Variants in TRIOBP observed in about 807,000 individuals in gnomAD.
TRIOBP encodes the protein TRIO and F-actin-binding protein.
In TRIOBP, 169 loss-of-function variants were observed where a neutral mutation model predicts 238.8. That is an observed-to-expected ratio of 0.71 (90% confidence interval 0.62 to 0.80). The LOEUF (loss-of-function observed/expected upper bound fraction) is 0.80. TRIOBP is among the 30% of genes least tolerant of loss of function. The probability of loss-of-function intolerance (pLI) is 0.00; values close to 1 mark genes in which losing one functional copy is unlikely to be tolerated. For synonymous variants in TRIOBP, 1,150 were observed against 1,274.4 expected (o/e 0.90, Z 2.08); for missense variants, 2,838 against 3,122.6 (o/e 0.91, Z 2.17).
At chr22:37,764,099 C>T (rs1298945414) in intron 17 of TRIOBP, among the ~76,000 whole-genome samples, 1 of 152,254 alleles carries the variant, frequency 6.6e-6, no homozygotes. Flanking sequence ...CTTGTGATTA[C>T]ACTGGGCTTG....
Position 37,739,456 on chromosome 22 carries a change from G to A in TRIOBP, c.5184+737G>A, listed in dbSNP as rs183214986. On this transcript the variant is annotated intron_variant, in intron 10 of 23. Transcript: ENST00000644935. The stretch of plus-strand genomic sequence containing the variant: ...CATAGCGCCCCCCAAGTAGGGCCCT[G>A]CCGTGAGTCAAAGCTGGGGGAATTC... Among the ~76,000 whole-genome samples, 3 of 152,242 alleles carry A rather than the reference G, an allele frequency of 2.0e-5. No homozygotes were observed. In the East Asian group the frequency reaches 5.8e-4, roughly 29 times the overall value.
intron 21 of TRIOBP, among the ~76,000 whole-genome samples, chr22:37,770,247 C>T (rs1342941834): frequency 3.4e-5 from 5 of 149,008 alleles, no homozygotes; most frequent in African/African-American, 1.2e-4. Context: ...ACCATCCTGG[C>T]TAACACAGTG....
chr22:37,721,463 CTG>C (rs906501379), intron 6 of TRIOBP, among the ~76,000 whole-genome samples: 49 of 152,162 alleles, frequency 3.2e-4, no homozygotes, highest in African/African-American at 1.1e-3. Context: ...ATGAAGGCAA[CTG>C]TGGCTACTTT....
chr22:37,762,325 C>T (rs1177762902), intron 17 of TRIOBP, among the ~76,000 whole-genome samples: 2 of 152,202 alleles, frequency 1.3e-5, no homozygotes, highest in Non-Finnish European at 2.9e-5. Context: ...GTTGGCCTCC[C>T]AAAGTGCTGG....
At position 37,757,854 on chromosome 22, in the gene TRIOBP, C is replaced by T. The variant is rs367584370; in HGVS notation, c.5929C>T (p.Arg1977Trp). Residue 1977 changes from arginine (R) to tryptophan (W), a missense_variant, in exon 16 of 24, where the codon CGG (arginine) becomes TGG (tryptophan). By Grantham distance (101) the Arg-to-Trp change is moderately radical. This residue lies in a region of TRIOBP where 2,096 missense variants were observed against 2,137.4 expected (regional missense o/e 0.98). Coordinates refer to ENST00000644935, the MANE Select transcript of TRIOBP (RefSeq NM_001039141.3). Reference sequence around the variant, plus strand: ...CCTGGCCAAGCAGGAGGAGCTGGAGCGGGACCTGGCCCAGCGCTCCGAGGA... The same window carrying T: ...CCTGGCCAAGCAGGAGGAGCTGGAGTGGGACCTGGCCCAGCGCTCCGAGGA... The part of the protein sequence containing the change: ...DRLAKQEELE[R>W]DLAQRSEERR... The T allele has an allele frequency of 6.2e-5, 96 of 1,551,768 alleles. No homozygotes were observed. The highest frequency in any genetic ancestry group is 7.5e-5 in the Non-Finnish European group (86 of 1,147,792).
At chr22:37,755,435 A>C (rs1925865862) in intron 14 of TRIOBP, 115 bp from the exon 15 acceptor site, 2 of 1,035,292 alleles carry the variant, frequency 1.9e-6, no homozygotes, top group Admixed American at 3.9e-5. Flanking sequence ...CCCACCCCAG[A>C]CTCAAGACCT....
At chr22:37,760,827 G>T (rs899864533) in intron 17 of TRIOBP, among the ~76,000 whole-genome samples, 11 of 152,086 alleles carry the variant, frequency 7.2e-5, no homozygotes, top group Non-Finnish European at 1.5e-4. Context: ...ACAAAAAATA[G>T]CCGGGCGTGG....
rs1447650813 is a variant in TRIOBP, at chr22:37,757,841, G to C, written c.5916G>C (p.Gln1972His). Residue 1972 changes from glutamine to histidine, a missense_variant, in exon 16 of 24, where the codon CAG (glutamine) becomes CAC (histidine). Transcript: ENST00000644935. ...PARTPDRLAK[Q>H]EELERDLAQR... is the part of the protein sequence containing the mutation. ...GCACTCCTGACCGCCTGGCCAAGCAGGAGGAGCTGGAGCGGGACCTGGCCC... is the reference window on the plus strand; with the variant it reads ...GCACTCCTGACCGCCTGGCCAAGCACGAGGAGCTGGAGCGGGACCTGGCCC... 1 of 1,550,898 alleles carries C rather than the reference G, an allele frequency of 6.4e-7. No individual in the cohort carries two copies. Among genetic ancestry groups the C allele is most frequent in the Non-Finnish European group, 8.7e-7 (1 of 1,147,086 alleles).
chr22:37,733,312 C>T lies in TRIOBP; in HGVS notation c.3962C>T (p.Ala1321Val), dbSNP rs1415329654. Reference sequence around the variant, plus strand: ...TTTGCTCATAGGAAGTCCGAGGCAGCGGGGGCCTTCCAGGCCCAGGACGAG... The same window carrying T: ...TTTGCTCATAGGAAGTCCGAGGCAGTGGGGGCCTTCCAGGCCCAGGACGAG... Reference protein sequence around the residue: ...FGQERRKSEAAGAFQAQDEGR... With the variant: ...FGQERRKSEAVGAFQAQDEGR... The change falls in exon 8 of 24, where the codon GCG becomes GTG. Residue 1321 changes from alanine to valine, a missense_variant. Coordinates refer to ENST00000644935, the MANE Select transcript of TRIOBP (RefSeq NM_001039141.3). The T allele has an allele frequency of 1.9e-5, 29 of 1,550,606 alleles. No individual in the cohort carries two copies. The highest frequency in any genetic ancestry group is 2.7e-5 in the African/African-American group (2 of 73,046).
At chr22:37,710,815 C>T (rs1370230976) in intron 4 of TRIOBP, among the ~76,000 whole-genome samples, 1 of 152,220 alleles carries the variant, frequency 6.6e-6, no homozygotes, top group African/African-American at 2.4e-5. Flanking sequence ...CTGGCTGTCT[C>T]TCCCAGGGGC....
At position 37,701,428 on chromosome 22, in the gene TRIOBP, C is replaced by T; in HGVS notation, c.63C>T (p.Asn21=). ...TTGAGGCCAACATACTTACCCAGAA[C>T]CGCTGTCAAAACTGCTTCCACCCTG... ...EHFEANILTQ[N]RCQNCFHPEE... is the part of the protein sequence containing the mutation. Residue 21 remains asparagine (N), a synonymous_variant, in exon 3 of 24, where the codon AAC becomes AAT. Transcript: ENST00000644935. The T allele has an allele frequency of 1.2e-6, 2 of 1,613,900 alleles. No individual in the cohort carries two copies. The highest frequency in any genetic ancestry group is 1.7e-6 in the Non-Finnish European group (2 of 1,179,962).
intron 9 of TRIOBP, among the ~76,000 whole-genome samples, chr22:37,736,409 T>C (rs2145844029): frequency 6.6e-6 from 1 of 152,266 alleles, no homozygotes; most frequent in Admixed American, 6.5e-5. Flanking sequence ...CAACGCCACC[T>C]GCCCCAGGAT....
chr22:37,756,492 A>G (rs1401253518), intron 15 of TRIOBP, among the ~76,000 whole-genome samples: 1 of 152,210 alleles, frequency 6.6e-6, no homozygotes, highest in African/African-American at 2.4e-5. Context: ...ATGTGCCAGG[A>G]TGTGCCCAGA....
chr22:37,759,331 A>T (rs1372571745), intron 17 of TRIOBP, 67 bp downstream of exon 17: 1 of 1,525,078 alleles, frequency 6.6e-7, no homozygotes, highest in East Asian at 2.3e-5. Flanking sequence ...ATCAGGAAAC[A>T]GCTGAGATTT....
chr22:37,754,216 C>G (rs948245096), intron 12 of TRIOBP, among the ~76,000 whole-genome samples: 1 of 152,054 alleles, frequency 6.6e-6, no homozygotes, highest in Non-Finnish European at 1.5e-5. Context: ...TTGAGACCAG[C>G]CTGGCTGACA....
rs938429426 is a variant in TRIOBP, at chr22:37,735,031, T to C, written c.4695T>C (p.Leu1565=). The C allele has an allele frequency of 1.9e-6, 3 of 1,608,752 alleles. No homozygotes were observed. Among genetic ancestry groups the C allele is most frequent in the African/African-American group, 1.3e-5 (1 of 74,756 alleles). Residue 1565 remains leucine, a synonymous_variant, in exon 9 of 24, where the codon CTT becomes CTC. Coordinates refer to ENST00000644935, the MANE Select transcript of TRIOBP (RefSeq NM_001039141.3). ...TTGACTGGAGGGATCTGCTTGGCCTTCTCCGGGCACCAGGAGAGGGGGTCT... is the reference window on the plus strand; with the variant it reads ...TTGACTGGAGGGATCTGCTTGGCCTCCTCCGGGCACCAGGAGAGGGGGTCT... The part of the protein sequence containing the change: ...PELDWRDLLG[L]LRAPGEGVWA...
At chr22:37,738,553 C>G (rs1191169753) in intron 9 of TRIOBP, 89 bp from the exon 10 acceptor site, 2 of 1,279,300 alleles carry the variant, frequency 1.6e-6, no homozygotes, top group East Asian at 2.5e-5. Context: ...GTTGCATGGA[C>G]AGATGATAGA....
chr22:37,724,489 C>T lies in TRIOBP; in HGVS notation c.1933C>T (p.Gln645Ter), dbSNP rs377748152. Residue 645 changes from glutamine to a stop codon, truncating the protein, a stop_gained, in exon 7 of 24, where the codon CAA (glutamine) becomes TAA (stop). Transcript: ENST00000644935. LOFTEE classifies it high-confidence loss of function. ...RASSPNRTTQ[Q>*]DSPRTSCARR... is the part of the protein sequence containing the mutation. ...CTCCTCTCCCAACAGAACCACCCAA[C>T]AAGACAGCCCCAGAACATCCTGTGC... 79 of 1,611,278 alleles carry T rather than the reference C, an allele frequency of 4.9e-5. No individual in the cohort carries two copies. The highest frequency in any genetic ancestry group is 6.1e-5 in the Non-Finnish European group (72 of 1,178,740).
In TRIOBP at chr22:37,700,187, C is replaced by T. The variant is rs574324476; in HGVS notation, c.-60-1119C>T. Among the ~76,000 whole-genome samples the T allele has an allele frequency of 7.5e-4, 114 of 151,878 alleles. 2 individuals carry two copies. Among genetic ancestry groups the T allele is most frequent in the African/African-American group, 2.6e-3 (109 of 41,434 alleles). ...CCACCGCCCTCGGCTGGAATCACTT[C>T]TTTAACATGCACAGCCCCAGACCTC... On this transcript the variant is annotated intron_variant, in intron 2 of 23. Transcript: ENST00000644935.
Sources: gnomAD v4.1 joint callset for allele counts (sites outside exome capture counted in the v4.1 genomes callset) on GRCh38, gnomAD v4.1.1 for gene constraint, gnomAD v4.1.1 regional missense constraint, MANE v1.5 for transcripts, NCBI Gene and HGNC (gene_info 2026-07-23, HGNC 2026-07-21) for gene names.